PRR36: variants seen among roughly 807,000 people sequenced by gnomAD.
PRR36 encodes the protein proline rich 36.
A neutral mutation model predicts 58.6 loss-of-function variants in PRR36; 30 were observed. The ratio of observed to expected loss-of-function variants is 0.51; its 90% CI spans 0.38 to 0.69. PRR36 has a LOEUF of 0.69. Among genes scored for constraint, PRR36 ranks in the 30% least tolerant of loss-of-function variants. The pLI is 0.00. For missense variants in PRR36, 1,692 were observed against 1,805.6 expected, an observed-to-expected ratio of 0.94 and a Z score of 1.14; for synonymous variants, 771 against 829.3, an observed-to-expected ratio of 0.93 and a Z score of 1.21.
In PRR36 at chr19:7,869,896, G is replaced by A; in HGVS notation, c.3348C>T (p.Gly1116=). ...TGCTGCTGTGGCCGGCCAGGTCTGG[G>A]CCGCTCAGCGTGCTGGACGGGCTGC... ...PSRSPSSTLS[G]PDLAGHSSSA... Residue 1116 remains glycine (G), a synonymous_variant, in exon 5 of 6, where the codon GGC becomes GGT. Coordinates refer to ENST00000618550, the MANE Select transcript of PRR36 (RefSeq NM_001190467.2). 4 of 1,363,006 alleles carry A rather than the reference G, an allele frequency of 2.9e-6. No homozygotes were observed. Among genetic ancestry groups the A allele is most frequent in the Non-Finnish European group, 3.8e-6 (4 of 1,065,460 alleles). The allele number at this position is 1,363,006 out of a possible 1,614,324, so 84.4% of individuals were successfully genotyped here.
rs1477636430 is a variant in PRR36 at position 7,873,595 on chromosome 19, G to A, written c.95C>T (p.Ser32Phe). Residue 32 changes from serine (S) to phenylalanine (F), a missense_variant, in exon 2 of 6, where the codon TCT becomes TTT. Coordinates refer to ENST00000618550, the MANE Select transcript of PRR36 (RefSeq NM_001190467.2). This position sits in a 1 kb window ranked among gnomAD's most constrained non-coding sequence, Gnocchi z 5.0. The stretch of plus-strand genomic sequence containing the variant: ...AGTTACTGGGGGAGGGGGTCGAGGA[G>A]AGCCTGGGGGCCTGGGGGTCAGAAG... ...PGLLTPRPPG[S>F]PRPPPPVTPA... The A allele has an allele frequency of 1.3e-6, 2 of 1,535,092 alleles. No homozygotes were observed. Among genetic ancestry groups the A allele is most frequent in the Admixed American group, 3.9e-5 (2 of 50,970 alleles).
rs1980540050 is a variant in PRR36, at chr19:7,873,062, CAAT to C, written c.375-104_375-102del. 7.6e-7 allele frequency: 1 copy of C among 1,319,244 alleles called. No individual in the cohort carries two copies. Among genetic ancestry groups the C allele is most frequent in the South Asian group, 1.3e-5 (1 of 77,662 alleles). The allele number at this position is 1,319,244 out of a possible 1,614,324, so 81.7% of individuals were successfully genotyped here. A position where few individuals can be genotyped will look rare whatever the true frequency, so the allele number is the denominator to read the frequency against. On this transcript the variant is annotated intron_variant, in intron 3 of 5. Coordinates refer to ENST00000618550, the MANE Select transcript of PRR36 (RefSeq NM_001190467.2). The surrounding 1 kb of genome is among the most constrained non-coding windows in gnomAD (Gnocchi z 5.0). Reference sequence around the variant, plus strand: ...ATGGGCATGTGCCCTCTCTGAGGACCAATAATGGCTTTCACCCAATTTGTGCCC... The same window carrying C: ...ATGGGCATGTGCCCTCTCTGAGGACCAATGGCTTTCACCCAATTTGTGCCC...
rs1307481347 is a variant in PRR36, at chr19:7,873,897, A to AC, written c.-7-202dup. Among the ~76,000 whole-genome samples, 10 of 124,638 alleles carry AC rather than the reference A, an allele frequency of 8.0e-5. No individual in the cohort carries two copies. The South Asian group carries it at 1.8e-3, about 23-fold the overall frequency. 81.8% of individuals were successfully genotyped at this position (124,638 alleles called of 152,430 possible). On this transcript the variant is annotated intron_variant, in intron 1 of 5. Transcript: ENST00000618550. The surrounding 1 kb of genome is among the most constrained non-coding windows in gnomAD (Gnocchi z 5.0). Reference sequence around the variant, plus strand: ...CTGCTCCTCGCTGTCCCCAAGTCCCACCCCCCACCGCTTTTCCCTAAAGCG... The same window carrying AC: ...CTGCTCCTCGCTGTCCCCAAGTCCCACCCCCCCACCGCTTTTCCCTAAAGCG...
Position 7,869,915 on chromosome 19 carries a change from G to C in PRR36, c.3329C>G (p.Pro1110Arg). The C allele has an allele frequency of 7.3e-7, 1 of 1,363,568 alleles. No individual in the cohort carries two copies. The highest frequency in any genetic ancestry group is 9.4e-7 in the Non-Finnish European group (1 of 1,065,302). 84.5% of individuals were successfully genotyped at this position (1,363,568 alleles called of 1,614,324 possible). A position where few individuals can be genotyped will look rare whatever the true frequency, so the allele number is the denominator to read the frequency against. ...PGPPPPPSRS[P>R]SSTLSGPDLA... Reference sequence around the variant, plus strand: ...GTCTGGGCCGCTCAGCGTGCTGGACGGGCTGCGCGAGGGCGGCGGCGGCGG... The same window carrying C: ...GTCTGGGCCGCTCAGCGTGCTGGACCGGCTGCGCGAGGGCGGCGGCGGCGG... The change falls in exon 5 of 6, where the codon CCG becomes CGG. Residue 1110 changes from proline (P) to arginine (R), a missense_variant. By Grantham distance (103) the Pro-to-Arg change is moderately radical. Transcript: ENST00000618550.
rs540653078 is a variant in PRR36, at chr19:7,868,953, G to T, written c.*80C>A. The T allele has an allele frequency of 1.4e-6, 2 of 1,404,558 alleles. No individual in the cohort carries two copies. The highest frequency in any genetic ancestry group is 2.7e-5 in the East Asian group (1 of 36,632). 87.0% of individuals were successfully genotyped at this position (1,404,558 alleles called of 1,614,324 possible). A position where few individuals can be genotyped will look rare whatever the true frequency, so the allele number is the denominator to read the frequency against. The stretch of plus-strand genomic sequence containing the variant: ...GCGGGGCTCCAGGGCAGTGGAGGCG[G>T]GGTCTAAAACAAACGGCGTACCCGG... On this transcript the variant is annotated 3_prime_UTR_variant, in exon 6 of 6. Transcript: ENST00000618550.
At position 7,873,210 on chromosome 19, in the gene PRR36, T is replaced by C; in HGVS notation, c.361A>G (p.Ser121Gly). ...GGAGCAGGTTACCTGGTGGTCCCGC[T>C]GGCACGCCCTGGGCTAGAAACAGGG... is the stretch of plus-strand genomic sequence containing the variant. ...PGPVSSPGRA[S>G]GTTRPGPLGQ... Residue 121 changes from serine to glycine, a missense_variant, in exon 3 of 6, where the codon AGC (serine) becomes GGC (glycine). Coordinates refer to ENST00000618550, the MANE Select transcript of PRR36 (RefSeq NM_001190467.2). This position sits in a 1 kb window ranked among gnomAD's most constrained non-coding sequence, Gnocchi z 5.0. 1 of 1,536,000 alleles carries C rather than the reference T, an allele frequency of 6.5e-7. No homozygotes were observed. The highest frequency in any genetic ancestry group is 8.7e-7 in the Non-Finnish European group (1 of 1,146,824).
In PRR36 at chr19:7,872,840, G is replaced by A. The variant is rs1211636526; in HGVS notation, c.487+9C>T. ...GCCCAGGAACCCCACTCTTCTCCAG[G>A]TCACGTACCTCTCCGTGCCCCAGCG... On this transcript the variant is annotated intron_variant, in intron 4 of 5. Transcript: ENST00000618550. The surrounding 1 kb of genome is among the most constrained non-coding windows in gnomAD (Gnocchi z 6.1). The A allele has an allele frequency of 6.5e-7, 1 of 1,535,470 alleles. No individual in the cohort carries two copies. The highest frequency in any genetic ancestry group is 2.4e-5 in the East Asian group (1 of 40,890).
Position 7,870,976 on chromosome 19 carries a change from AGGG to A in PRR36, c.2265_2267del (p.Pro756del). On this transcript the variant is annotated inframe_deletion, in exon 5 of 6. Transcript: ENST00000618550. ...GGGCTAGAGAAGGTAGGTTCTCCAG[AGGG>A]GGTGTGGTCAGGGGAGCAGAAGCTG... 3.9e-6 allele frequency: 4 copies of A among 1,016,258 alleles called. No individual in the cohort carries two copies. The highest frequency in any genetic ancestry group is 3.4e-5 in the Admixed American group (1 of 29,572). 63.0% of individuals were successfully genotyped at this position (1,016,258 alleles called of 1,614,324 possible). A position where few individuals can be genotyped will look rare whatever the true frequency, so the allele number is the denominator to read the frequency against.
Position 7,872,950 on chromosome 19 carries a change from A to T in PRR36, c.386T>A (p.Leu129His). 1 of 1,535,962 alleles carries T rather than the reference A, an allele frequency of 6.5e-7. No homozygotes were observed. The highest frequency in any genetic ancestry group is 2.0e-5 in the Admixed American group (1 of 50,992). The change falls in exon 4 of 6, where the codon CTT becomes CAT. Residue 129 changes from leucine to histidine, a missense_variant. By Grantham distance (99) the Leu-to-His change is moderately conservative. Coordinates refer to ENST00000618550, the MANE Select transcript of PRR36 (RefSeq NM_001190467.2). This position sits in a 1 kb window ranked among gnomAD's most constrained non-coding sequence, Gnocchi z 6.1. ...RASGTTRPGP[L>H]GQKGLRISAE... is the part of the protein sequence containing the mutation. ...TGAGATCCGGAGTCCCTTCTGGCCAAGAGGGCCTGGCCTGGAGACAGAAGG... is the reference window on the plus strand; with the variant it reads ...TGAGATCCGGAGTCCCTTCTGGCCATGAGGGCCTGGCCTGGAGACAGAAGG...
In PRR36 at chr19:7,871,467, A is replaced by G; in HGVS notation, c.1777T>C (p.Ser593Pro). 1 of 1,534,624 alleles carries G rather than the reference A, an allele frequency of 6.5e-7. No homozygotes were observed. The highest frequency in any genetic ancestry group is 8.7e-7 in the Non-Finnish European group (1 of 1,146,524). Residue 593 changes from serine (S) to proline (P), a missense_variant, in exon 5 of 6, where the codon TCT becomes CCT. By Grantham distance (74) the Ser-to-Pro change is moderately conservative. This residue lies in a region of PRR36 where 975 missense variants were observed against 955.2 expected (regional missense o/e 1.02). Transcript: ENST00000618550. Reference sequence around the variant, plus strand: ...GCCTGCAGAGACGGTGAGGTCAGAGAATGTGGGACCTGTATTGGGGGAATG... The same window carrying G: ...GCCTGCAGAGACGGTGAGGTCAGAGGATGTGGGACCTGTATTGGGGGAATG... ...QTIPPIQVPH[S>P]LTSPSLQAPP...
Position 7,871,813 on chromosome 19 carries a change from C to T in PRR36, c.1431G>A (p.Ser477=). 2 of 1,535,368 alleles carry T rather than the reference C, an allele frequency of 1.3e-6. No homozygotes were observed. The highest frequency in any genetic ancestry group is 1.7e-6 in the Non-Finnish European group (2 of 1,146,738). ...GAGGGAGTGCGGCCAGGGGAAAAGCCGAATTCCCCAGAGATGTTGCCGGAG... is the reference window on the plus strand; with the variant it reads ...GAGGGAGTGCGGCCAGGGGAAAAGCTGAATTCCCCAGAGATGTTGCCGGAG... ...PVSPATSLGN[S]AFPLAALPQP... Residue 477 remains serine, a synonymous_variant, in exon 5 of 6, where the codon TCG becomes TCA. Coordinates refer to ENST00000618550, the MANE Select transcript of PRR36 (RefSeq NM_001190467.2).
At position 7,873,477 on chromosome 19, in the gene PRR36, G is replaced by A; in HGVS notation, c.213C>T (p.Pro71=). The A allele has an allele frequency of 6.5e-7, 1 of 1,535,318 alleles. No homozygotes were observed. The highest frequency in any genetic ancestry group is 8.7e-7 in the Non-Finnish European group (1 of 1,146,802). ...TTGGTCCCGCTCGGGGAGCAGACTC[G>A]GGAATAGTGGCCCCGCCGATGCCCC... ...RAGGIGGATI[P]ESAPRAGPTR... is the part of the protein sequence containing the mutation. Residue 71 remains proline (P), a synonymous_variant, in exon 2 of 6, where the codon CCC becomes CCT. Transcript: ENST00000618550. This position sits in a 1 kb window ranked among gnomAD's most constrained non-coding sequence, Gnocchi z 5.0.
Position 7,870,155 on chromosome 19 carries a change from G to T in PRR36, c.3089C>A (p.Pro1030His), listed in dbSNP as rs1411100777. 5 of 1,438,670 alleles carry T rather than the reference G, an allele frequency of 3.5e-6. No homozygotes were observed. Among genetic ancestry groups the T allele is most frequent in the Non-Finnish European group, 4.5e-6 (5 of 1,101,776 alleles). The allele number at this position is 1,438,670 out of a possible 1,614,324, so 89.1% of individuals were successfully genotyped here. Reference sequence around the variant, plus strand: ...AGAGGGTGAGAAAGGGGCCTGCCCAGGGAATGAGGCAGGCGGAGAGGGAAG... The same window carrying T: ...AGAGGGTGAGAAAGGGGCCTGCCCATGGAATGAGGCAGGCGGAGAGGGAAG... ...QALPSPPASF[P>H]GQAPFSPSAS... is the part of the protein sequence containing the mutation. Residue 1030 changes from proline to histidine, a missense_variant, in exon 5 of 6, where the codon CCT becomes CAT. By Grantham distance (77) the Pro-to-His change is moderately conservative. Around this residue, in one of 5 missense-constraint regions of PRR36, gnomAD observed 485 missense variants for 549.2 expected, o/e 0.88. Transcript: ENST00000618550.
In PRR36 at chr19:7,874,103, C is replaced by G. The variant is rs1349265571; in HGVS notation, c.-8+183G>C. Among the ~76,000 whole-genome samples the G allele has an allele frequency of 6.6e-6, 1 of 152,096 alleles. No homozygotes were observed. Among genetic ancestry groups the G allele is most frequent in the Non-Finnish European group, 1.5e-5 (1 of 67,988 alleles). On this transcript the variant is annotated intron_variant, in intron 1 of 5. Transcript: ENST00000618550. The surrounding 1 kb of genome is among the most constrained non-coding windows in gnomAD (Gnocchi z 6.0). The stretch of plus-strand genomic sequence containing the variant: ...ACCCGGAGCGCACGCCCGGGTCTCC[C>G]CGCCAGCCCCCATCGGCCTCCCCTG...
In PRR36 at chr19:7,868,766, G is replaced by C. The variant is rs1980217754; in HGVS notation, c.*267C>G. ...TTATTGCAAACTCAGGCTGTGCGGG[G>C]TGGGCAATACACTGCACACGGGGCG... On this transcript the variant is annotated 3_prime_UTR_variant, in exon 6 of 6. Transcript: ENST00000618550. 2.5e-6 allele frequency: 1 copy of C among 396,424 alleles called. No individual in the cohort carries two copies. The highest frequency in any genetic ancestry group is 4.5e-5 in the Admixed American group (1 of 22,276). The allele number at this position is 396,424 out of a possible 1,614,324, so 24.6% of individuals were successfully genotyped here.
Position 7,871,237 on chromosome 19 carries a change from C to G in PRR36, c.2007G>C (p.Gln669His), listed in dbSNP as rs1980427710. 5 of 1,507,082 alleles carry G rather than the reference C, an allele frequency of 3.3e-6. No homozygotes were observed. Among genetic ancestry groups the G allele is most frequent in the Non-Finnish European group, 4.4e-6 (5 of 1,139,388 alleles). 93.4% of individuals were successfully genotyped at this position (1,507,082 alleles called of 1,614,324 possible). The change falls in exon 5 of 6, where the codon CAG (glutamine) becomes CAC (histidine). Residue 669 changes from glutamine (Q) to histidine (H), a missense_variant. By Grantham distance (24) the Gln-to-His change is conservative. Coordinates refer to ENST00000618550, the MANE Select transcript of PRR36 (RefSeq NM_001190467.2). ...GTGAGACAGCAGGAGAGAGAGAAGTCTGCAGAGGGGGTGAGGCAGGAAGGG... is the reference window on the plus strand; with the variant it reads ...GTGAGACAGCAGGAGAGAGAGAAGTGTGCAGAGGGGGTGAGGCAGGAAGGG... Reference protein sequence around the residue: ...PLSLPASPPLQTSLSPAVSPL... With the variant: ...PLSLPASPPLHTSLSPAVSPL...
Position 7,873,058 on chromosome 19 carries a change from G to T in PRR36, c.375-97C>A. On this transcript the variant is annotated intron_variant, in intron 3 of 5. Transcript: ENST00000618550. This position sits in a 1 kb window ranked among gnomAD's most constrained non-coding sequence, Gnocchi z 5.0. ...TGAAATGGGCATGTGCCCTCTCTGA[G>T]GACCAATAATGGCTTTCACCCAATT... The T allele has an allele frequency of 7.5e-7, 1 of 1,331,396 alleles. No homozygotes were observed. Among genetic ancestry groups the T allele is most frequent in the Non-Finnish European group, 1.0e-6 (1 of 967,006 alleles). The allele number at this position is 1,331,396 out of a possible 1,614,324, so 82.5% of individuals were successfully genotyped here.
Position 7,873,647 on chromosome 19 carries a change from G to A in PRR36, c.43C>T (p.Arg15Trp), listed in dbSNP as rs1354698829. Residue 15 changes from arginine (R) to tryptophan (W), a missense_variant, in exon 2 of 6, where the codon CGG (arginine) becomes TGG (tryptophan). Physicochemically the swap from Arg to Trp is moderately radical, Grantham distance 101. This residue lies in a region of PRR36 where 975 missense variants were observed against 955.2 expected (regional missense o/e 1.02). Coordinates refer to ENST00000618550, the MANE Select transcript of PRR36 (RefSeq NM_001190467.2). This position sits in a 1 kb window ranked among gnomAD's most constrained non-coding sequence, Gnocchi z 5.0. ...CCAGGAGCGCGAGCAGCCGGCGTCC[G>A]CGCGGCGGCCCCTGCCTTCGCCTTG... The part of the protein sequence containing the change: ...RDKAKAGAAA[R>W]TPAARAPGLL... 5 of 1,535,122 alleles carry A rather than the reference G, an allele frequency of 3.3e-6. No homozygotes were observed. Among genetic ancestry groups the A allele is most frequent in the African/African-American group, 1.4e-5 (1 of 73,018 alleles).
Position 7,869,998 on chromosome 19 carries a change from G to A in PRR36, c.3246C>T (p.Thr1082=). The A allele has an allele frequency of 2.1e-6, 3 of 1,407,094 alleles. No individual in the cohort carries two copies. The highest frequency in any genetic ancestry group is 3.0e-5 in the South Asian group (2 of 66,492). 87.2% of individuals were successfully genotyped at this position (1,407,094 alleles called of 1,614,324 possible). ...CCGAGACGGAGGTATCCGGACCCGG[G>A]GTCGGGGGGCGGCGTGGGGCCTGCA... is the stretch of plus-strand genomic sequence containing the variant. ...PTLQAPRRPP[T]PGPDTSVSGP... Residue 1082 remains threonine, a synonymous_variant, in exon 5 of 6, where the codon ACC becomes ACT. Transcript: ENST00000618550.
Sources: gnomAD v4.1 joint callset for allele counts (sites outside exome capture counted in the v4.1 genomes callset) on GRCh38, gnomAD v4.1.1 for gene constraint, gnomAD v4.1.1 regional missense constraint, Gnocchi (gnomAD v3.1) non-coding constraint, MANE v1.5 for transcripts, NCBI Gene and HGNC (gene_info 2026-07-23, HGNC 2026-07-21) for gene names.